GPC6: variants seen among roughly 807,000 people sequenced by gnomAD.
GPC6 encodes the protein glypican 6.
GPC6 carries 14 observed loss-of-function variants against 55.2 expected under a neutral mutation model. That is an observed-to-expected ratio of 0.25 (90% CI 0.17 to 0.40). The LOEUF (loss-of-function observed/expected upper bound fraction) is 0.40. Ranked by LOEUF, GPC6 falls within the 10% of genes least tolerant of loss-of-function variation. GPC6 has a pLI of 1.00. For missense variants in GPC6, 641 were observed against 708.5 expected (o/e 0.90, Z 1.08); for synonymous variants, 278 against 259.6 (o/e 1.07, Z -0.68).
chr13:94,093,443 T>C (rs1281737407), intron 4 of GPC6, among the ~76,000 whole-genome samples: 1 of 152,094 alleles, frequency 6.6e-6, no homozygotes, highest in Non-Finnish European at 1.5e-5. Flanking sequence ...CTGGCTCTTA[T>C]TCTGTTCTGT....
At chr13:94,235,115 T>C (rs1230092556) in intron 4 of GPC6, among the ~76,000 whole-genome samples, 1 of 152,044 alleles carries the variant, frequency 6.6e-6, no homozygotes, top group Non-Finnish European at 1.5e-5. Flanking sequence ...TTCACCACAA[T>C]AAGTTAAAAA....
Position 94,365,392 on chromosome 13 carries a change from G to A in GPC6, c.1153-17022G>A, listed in dbSNP as rs1008053903. On this transcript the variant is annotated intron_variant, in intron 6 of 8. Transcript: ENST00000377047. Reference sequence around the variant, plus strand: ...GCTAAAATCTTTGGTATTTGAACTCGAACCAGTTCCCAGTTAAACCCAGGA... The same window carrying A: ...GCTAAAATCTTTGGTATTTGAACTCAAACCAGTTCCCAGTTAAACCCAGGA... Among the ~76,000 whole-genome samples the A allele has an allele frequency of 2.4e-4, 37 of 152,086 alleles. 1 individual carries two copies. Among genetic ancestry groups the A allele is most frequent in the South Asian group, 6.2e-4 (3 of 4,812 alleles).
intron 1 of GPC6, among the ~76,000 whole-genome samples, chr13:93,440,891 A>G (rs1299909350): frequency 3.2e-5 from 3 of 93,006 alleles, no homozygotes; most frequent in Non-Finnish European, 6.1e-5. Context: ...TCCCCACCCC[A>G]TGTCCAAGTG....
intron 3 of GPC6, among the ~76,000 whole-genome samples, chr13:93,898,362 A>G (rs1178689956): frequency 1.3e-5 from 2 of 152,154 alleles, no homozygotes; most frequent in Non-Finnish European, 2.9e-5. Context: ...ATAATGATGA[A>G]TGTAATCATT....
At chr13:93,497,324 C>G (rs1262182172) in intron 1 of GPC6, among the ~76,000 whole-genome samples, 2 of 152,148 alleles carry the variant, frequency 1.3e-5, no homozygotes, top group African/African-American at 4.8e-5. Context: ...GCTTTATGAA[C>G]AGCAAATTCT....
chr13:94,197,319 A>C (rs1351355016), intron 4 of GPC6, among the ~76,000 whole-genome samples: 1 of 152,202 alleles, frequency 6.6e-6, no homozygotes, highest in Non-Finnish European at 1.5e-5. Flanking sequence ...AGCATCATCA[A>C]GTTCTCACCT....
At chr13:93,294,780 G>A (rs1878429198) in intron 1 of GPC6, among the ~76,000 whole-genome samples, 2 of 152,054 alleles carry the variant, frequency 1.3e-5, no homozygotes, top group Admixed American at 6.6e-5. Flanking sequence ...TGGTCACTGT[G>A]TCTTTATTTT....
intron 4 of GPC6, among the ~76,000 whole-genome samples, chr13:94,142,458 A>C (rs571523462): frequency 2.6e-5 from 4 of 152,308 alleles, no homozygotes; most frequent in African/African-American, 9.6e-5. Context: ...AGTGTGATTA[A>C]AACTTTATCC....
intron 1 of GPC6, among the ~76,000 whole-genome samples, chr13:93,526,288 C>T (rs7998884): frequency 0.51 from 77,027 of 151,800 alleles, 21,467 homozygotes; most frequent in African/African-American, 0.75. Context: ...AATTCAGTTA[C>T]GTGGGACATG....
chr13:93,934,229 A>G (rs935615522), intron 3 of GPC6, among the ~76,000 whole-genome samples: 2 of 152,142 alleles, frequency 1.3e-5, no homozygotes, highest in Non-Finnish European at 2.9e-5. Flanking sequence ...GTTATTGATC[A>G]CTTGAAATAT....
intron 1 of GPC6, among the ~76,000 whole-genome samples, chr13:93,363,117 G>GT (rs199840187): frequency 0.013 from 1,605 of 125,930 alleles, 21 homozygotes; most frequent in African/African-American, 0.021. Flanking sequence ...CTTTTTTTTT[G>GT]TTTTTTTTTT....
intron 4 of GPC6, among the ~76,000 whole-genome samples, chr13:94,264,165 C>T (rs927562927): frequency 1.3e-5 from 2 of 152,136 alleles, no homozygotes; most frequent in African/African-American, 4.8e-5. Flanking sequence ...CTCTCTACCC[C>T]CTTGTTGATA....
intron 1 of GPC6, among the ~76,000 whole-genome samples, chr13:93,530,343 A>G (rs1034389597): frequency 1.3e-5 from 2 of 152,082 alleles, no homozygotes; most frequent in African/African-American, 2.4e-5. Context: ...TAAAATAACT[A>G]CCCTATTCTG....
intron 1 of GPC6, among the ~76,000 whole-genome samples, chr13:93,422,098 T>A (rs1412637167): frequency 6.6e-6 from 1 of 152,182 alleles, no homozygotes; most frequent in Non-Finnish European, 1.5e-5. Flanking sequence ...CTGCTTCCAG[T>A]TCCCGTCATT....
At chr13:93,567,054 A>G (rs1467306403) in intron 2 of GPC6, among the ~76,000 whole-genome samples, 2 of 152,170 alleles carry the variant, frequency 1.3e-5, no homozygotes, top group African/African-American at 2.4e-5. Context: ...TAGTAGAATG[A>G]TTTATAATCC....
chr13:93,822,861 A>G (rs964555950), intron 2 of GPC6, among the ~76,000 whole-genome samples: 2 of 147,338 alleles, frequency 1.4e-5, no homozygotes, highest in African/African-American at 5.0e-5. Context: ...TTATTTTATT[A>G]TTATTATTAT....
intron 1 of GPC6, among the ~76,000 whole-genome samples, chr13:93,458,845 G>A (rs1878571340): frequency 6.6e-6 from 1 of 152,030 alleles, no homozygotes; most frequent in African/African-American, 2.4e-5. Flanking sequence ...TCCACTCACA[G>A]CGGAGTTGTT....
chr13:93,289,293 C>G (rs533696682), intron 1 of GPC6, among the ~76,000 whole-genome samples: 1 of 152,150 alleles, frequency 6.6e-6, no homozygotes, highest in Non-Finnish European at 1.5e-5. Flanking sequence ...TCTGCCTTCA[C>G]TCCAGTACTC....
rs116719227 is a variant in GPC6, at chr13:93,801,686, G to A, written c.320-28468G>A. On this transcript the variant is annotated intron_variant, in intron 2 of 8. Transcript: ENST00000377047. ...GAAATGTTGACTGAAAAAAGAAGGT[G>A]GAGATTTCTAGTCCATTTTATTGTT... Among the ~76,000 whole-genome samples the A allele has an allele frequency of 4.6e-3, 703 of 152,178 alleles. 6 individuals are homozygous for A. Among genetic ancestry groups the A allele is most frequent in the African/African-American group, 0.016 (674 of 41,506 alleles).
Sources: gnomAD v4.1 joint callset for allele counts (sites outside exome capture counted in the v4.1 genomes callset) on GRCh38, gnomAD v4.1.1 for gene constraint, MANE v1.5 for transcripts, NCBI Gene and HGNC (gene_info 2026-07-23, HGNC 2026-07-21) for gene names.